UBAP2: variants seen among roughly 807,000 people sequenced by gnomAD.
The protein encoded by UBAP2 is ubiquitin-associated protein 2.
UBAP2 carries 75 observed loss-of-function variants against 139.6 expected under a neutral mutation model. The observed-to-expected ratio is 0.54, with a 90% CI of 0.45 to 0.65. The LOEUF is 0.65. Ranked by LOEUF, UBAP2 falls within the 30% of genes least tolerant of loss-of-function variation. UBAP2 has a pLI of 0.00. For missense variants in UBAP2, 1,368 were observed against 1,369.6 expected, an observed-to-expected ratio of 1.00 and a Z score of 0.02; for synonymous variants, 526 against 526.2, an observed-to-expected ratio of 1.00 and a Z score of 0.01.
chr9:33,923,512 G>A lies in UBAP2; in HGVS notation c.2797-34C>T, dbSNP rs766306858. Reference sequence around the variant, plus strand: ...GCAAGCAGATGAGGTATTAGTGTAGGAAGAGGCAAGCTGAGGCTGGTCAGG... The same window carrying A: ...GCAAGCAGATGAGGTATTAGTGTAGAAAGAGGCAAGCTGAGGCTGGTCAGG... On this transcript the variant is annotated intron_variant, in intron 24 of 28. Coordinates refer to ENST00000379238, the MANE Select transcript of UBAP2 (RefSeq NM_001370062.2). The A allele has an allele frequency of 1.0e-5, 16 of 1,604,666 alleles. No homozygotes were observed. The South Asian group carries it at 1.4e-4, about 14-fold the overall frequency.
At chr9:33,953,548 A>G in intron 11 of UBAP2, 74 bp from the exon 12 acceptor site, 1 of 1,425,664 alleles carries the variant, frequency 7.0e-7, no homozygotes, top group South Asian at 1.3e-5. Context: ...GAAGTCAATC[A>G]ATATATAGTG....
chr9:33,977,316 C>A (rs956076194), intron 6 of UBAP2, among the ~76,000 whole-genome samples: 11 of 151,936 alleles, frequency 7.2e-5, no homozygotes, highest in Non-Finnish European at 1.6e-4. Context: ...GGATTACAGG[C>A]GTGAACCACC....
At chr9:34,048,533 A>G (rs1827823863) in intron 1 of UBAP2, among the ~76,000 whole-genome samples, 1 of 152,094 alleles carries the variant, frequency 6.6e-6, no homozygotes, top group Admixed American at 6.5e-5. Flanking sequence ...AGAAACCCGA[A>G]AGGGGGGAGG....
chr9:33,961,268 C>A (rs375855166), intron 9 of UBAP2, among the ~76,000 whole-genome samples: 2 of 152,288 alleles, frequency 1.3e-5, no homozygotes, highest in East Asian at 3.9e-4. Context: ...GTCTTCAAAA[C>A]AACAAATTTC....
At chr9:33,929,540 T>C (rs1175818133) in intron 19 of UBAP2, among the ~76,000 whole-genome samples, 1 of 151,146 alleles carries the variant, frequency 6.6e-6, no homozygotes, top group Non-Finnish European at 1.5e-5. Context: ...TGATGGAGAG[T>C]GGTAAAGATA....
intron 10 of UBAP2, 86 bp from the exon 11 acceptor site, chr9:33,956,232 T>C (rs903406235): frequency 8.5e-5 from 79 of 928,116 alleles, no homozygotes; most frequent in African/African-American, 3.3e-5. Context: ...TAGTCATCAG[T>C]AGTCTCTTAC....
chr9:33,924,155 G>A (rs1231483026), intron 23 of UBAP2, 51 bp downstream of exon 23: 3 of 1,605,316 alleles, frequency 1.9e-6, no homozygotes, highest in Non-Finnish European at 2.6e-6. Context: ...AGCTCCTGGA[G>A]TTCGCGCTAG....
intron 10 of UBAP2, among the ~76,000 whole-genome samples, chr9:33,959,102 C>T (rs964061682): frequency 1.3e-4 from 19 of 151,724 alleles, no homozygotes; most frequent in African/African-American, 4.4e-4. Flanking sequence ...GAGCCAAGAT[C>T]GTGCCTCTGC....
intron 8 of UBAP2, among the ~76,000 whole-genome samples, chr9:33,967,589 T>C (rs1287053529): frequency 1.3e-5 from 2 of 152,216 alleles, no homozygotes; most frequent in Admixed American, 6.5e-5. Context: ...CATACGTATC[T>C]GAAATAATGT....
At chr9:34,044,133 C>CA (rs1398514437) in intron 1 of UBAP2, among the ~76,000 whole-genome samples, 2 of 149,430 alleles carry the variant, frequency 1.3e-5, no homozygotes, top group East Asian at 3.9e-4. Flanking sequence ...CGCGGTGACT[C>CA]ACGCCTGTAA....
intron 19 of UBAP2, among the ~76,000 whole-genome samples, chr9:33,930,187 C>T (rs307642): frequency 0.19 from 29,312 of 152,000 alleles, 2,948 homozygotes; most frequent in South Asian, 0.36. Flanking sequence ...TTTGAGGATG[C>T]CATGGTGTAA....
chr9:34,028,807 A>G (rs1398397956), intron 1 of UBAP2, among the ~76,000 whole-genome samples: 1 of 148,822 alleles, frequency 6.7e-6, no homozygotes, highest in Non-Finnish European at 1.5e-5. Flanking sequence ...TACAAAAAGG[A>G]AAAAAAAAAG....
In UBAP2 at chr9:34,045,579, G is replaced by GGTTA. The variant is rs1425635774; in HGVS notation, c.-42+3242_-42+3245dup. 5.3e-5 allele frequency among the ~76,000 whole-genome samples: 8 copies of GGTTA among 151,902 alleles called. No homozygotes were observed. The South Asian group carries it at 1.3e-3, about 24-fold the overall frequency. On this transcript the variant is annotated intron_variant, in intron 1 of 28. Coordinates refer to ENST00000379238, the MANE Select transcript of UBAP2 (RefSeq NM_001370062.2). ...AGTAGAGACGGGGTTTCACCATGTTGGTTAGGTTAGTCTCGAACTCCCGAC... is the reference window on the plus strand; with the variant it reads ...AGTAGAGACGGGGTTTCACCATGTTGGTTAGTTAGGTTAGTCTCGAACTCCCGAC...
intron 2 of UBAP2, among the ~76,000 whole-genome samples, chr9:34,009,395 G>A (rs1012687773): frequency 6.6e-6 from 1 of 151,560 alleles, no homozygotes; most frequent in Non-Finnish European, 1.5e-5. Flanking sequence ...CACCACACCT[G>A]GCCAAAAAGG....
rs550877258 is a variant in UBAP2 at position 33,941,750 on chromosome 9, G to A, written c.1828C>T (p.Pro610Ser). Residue 610 changes from proline to serine, a missense_variant, in exon 16 of 29, where the codon CCA (proline) becomes TCA (serine). Pro to Ser is a moderately conservative substitution (Grantham distance 74). Coordinates refer to ENST00000379238, the MANE Select transcript of UBAP2 (RefSeq NM_001370062.2). ...LTSSSLNSASPVAMSSSYDQS... is the reference protein window; with the variant it reads ...LTSSSLNSASSVAMSSSYDQS... ...TCATAAGAGGAAGACATTGCTACTGGACTAGCAGAATTCAGTGATGAGCTT... is the reference window on the plus strand; with the variant it reads ...TCATAAGAGGAAGACATTGCTACTGAACTAGCAGAATTCAGTGATGAGCTT... The A allele has an allele frequency of 5.5e-5, 89 of 1,613,966 alleles. 4 individuals carry two copies. The South Asian group carries it at 9.6e-4, about 17-fold the overall frequency.
intron 2 of UBAP2, among the ~76,000 whole-genome samples, chr9:34,013,359 G>C (rs139175743): frequency 6.6e-6 from 1 of 152,058 alleles, no homozygotes; most frequent in East Asian, 1.9e-4. Context: ...AGACCAGCCT[G>C]ACCAACATGG....
chr9:33,953,991 C>G (rs1436106624), intron 11 of UBAP2, among the ~76,000 whole-genome samples: 2 of 152,034 alleles, frequency 1.3e-5, no homozygotes, highest in Admixed American at 1.3e-4. Flanking sequence ...ACTGCAACCT[C>G]TGCCTCCCAG....
intron 16 of UBAP2, among the ~76,000 whole-genome samples, chr9:33,938,200 T>C (rs966943093): frequency 2.6e-5 from 4 of 152,006 alleles, no homozygotes; most frequent in Non-Finnish European, 5.9e-5. Flanking sequence ...CATCATGTTG[T>C]CCAGTCTGGT....
intron 1 of UBAP2, among the ~76,000 whole-genome samples, chr9:34,031,535 G>A (rs1825888803): frequency 6.6e-6 from 1 of 151,886 alleles, no homozygotes; most frequent in African/African-American, 2.4e-5. Flanking sequence ...TCAAACTCCT[G>A]ACCTCAGGTG....
Sources: allele counts gnomAD v4.1 joint callset (sites outside exome capture counted in the v4.1 genomes callset), GRCh38; gene constraint gnomAD v4.1.1; transcripts MANE v1.5; gene names NCBI Gene and HGNC (gene_info 2026-07-23, HGNC 2026-07-21).